Variants in CD151 observed in about 807,000 individuals in gnomAD.
CD151 encodes the protein CD151 molecule (Raph blood group).
Under a neutral mutation model 34.2 loss-of-function variants are expected in CD151, and 20 were observed. That is an observed-to-expected ratio of 0.58 (90% CI 0.41 to 0.85). The LOEUF is 0.85. CD151 is among the 40% of genes least tolerant of loss of function. CD151 has a pLI of 0.00. For missense variants in CD151, 306 were observed against 324.5 expected, an observed-to-expected ratio of 0.94 and a Z score of 0.44; for synonymous variants, 157 against 131.7, an observed-to-expected ratio of 1.19 and a Z score of -1.32.
At chr11:835,888 CG>C (rs1846744819) in intron 2 of CD151, 174 bp from the exon 3 acceptor site, 1 of 584,682 alleles carries the variant, frequency 1.7e-6, no homozygotes, top group Non-Finnish European at 3.1e-6. Context: ...GGGGTTTCAC[CG>C]TGTTAGCCAG....
chr11:833,826 C>CCCCAT (rs1846648722), intron 1 of CD151, among the ~76,000 whole-genome samples: 2 of 41,566 alleles, frequency 4.8e-5, no homozygotes. Flanking sequence ...ACCCCGCCCC[C>CCCCAT]CGGTGGCAGA....
At chr11:836,193 C>T in intron 3 of CD151, 40 bp downstream of exon 3, 1 of 1,557,168 alleles carries the variant, frequency 6.4e-7, no homozygotes, top group Non-Finnish European at 8.8e-7. Context: ...CACCCCCACC[C>T]CTCCCGGGCC....
At position 838,291 on chromosome 11, in the gene CD151, AC is replaced by A; in HGVS notation, c.*101del. 1 of 1,016,200 alleles carries A rather than the reference AC, an allele frequency of 9.8e-7. No homozygotes were observed. The highest frequency in any genetic ancestry group is 1.5e-6 in the Non-Finnish European group (1 of 649,658). The allele number at this position is 1,016,200 out of a possible 1,614,324, so 62.9% of individuals were successfully genotyped here. On this transcript the variant is annotated 3_prime_UTR_variant, in exon 9 of 9. Coordinates refer to ENST00000397420, the MANE Select transcript of CD151 (RefSeq NM_004357.5). ...CTGATGACACCCACCCTGTGCCATC[AC>A]CATAACCTCTGGGGACCCCAACCTC...
rs1189303792 is a variant in CD151 at position 836,851 on chromosome 11, G to C, written c.351+8G>C. The C allele has an allele frequency of 2.5e-6, 4 of 1,611,490 alleles. No homozygotes were observed. The highest frequency in any genetic ancestry group is 3.4e-6 in the Non-Finnish European group (4 of 1,178,840). On this transcript the variant is annotated splice_region_variant and intron_variant, in intron 5 of 8. Transcript: ENST00000397420. ...TACGCCTACTACCAGCAGGTGAGGG[G>C]CCTGGGCAGGCCATTCAGAGACACA...
chr11:834,491 A>T (rs1412804465), intron 1 of CD151, 39 bp from the exon 2 acceptor site: 2 of 152,492 alleles, frequency 1.3e-5, no homozygotes, highest in East Asian at 3.9e-4. Flanking sequence ...CTTGGGCCAG[A>T]CCTGTAACCT....
intron 1 of CD151, among the ~76,000 whole-genome samples, 187 bp downstream of exon 1, chr11:833,213 C>G (rs374806319): frequency 0.011 from 215 of 19,228 alleles, no homozygotes; most frequent in African/African-American, 0.021. Flanking sequence ...CCCTCGCCTG[C>G]CCCAGCTCCC....
At chr11:833,663 A>C (rs1033329299) in intron 1 of CD151, among the ~76,000 whole-genome samples, 5 of 152,118 alleles carry the variant, frequency 3.3e-5, no homozygotes, top group Non-Finnish European at 7.4e-5. Flanking sequence ...TCCTGGGAAG[A>C]GGGGCCACTC....
chr11:837,802 C>T, intron 7 of CD151, 140 bp from the exon 8 acceptor site: 1 of 850,222 alleles, frequency 1.2e-6, no homozygotes, highest in Non-Finnish European at 1.8e-6. Context: ...GTGGGCAGCC[C>T]AGTGGCTGGC....
intron 2 of CD151, 149 bp downstream of exon 2, chr11:834,740 C>G (rs1031911928): frequency 5.2e-5 from 8 of 152,692 alleles, no homozygotes; most frequent in African/African-American, 1.7e-4. Context: ...TTGCCCACTG[C>G]TGCAGGTCGG....
Position 837,231 on chromosome 11 carries a change from T to G in CD151, c.352-19T>G, listed in dbSNP as rs1434665976. On this transcript the variant is annotated intron_variant, in intron 5 of 8. Coordinates refer to ENST00000397420, the MANE Select transcript of CD151 (RefSeq NM_004357.5). ...AAGGTCTTAGACTGAGGCTGAAGTT[T>G]CCTGCACCCCAACCCCAGCTGAACA... 5 of 1,601,992 alleles carry G rather than the reference T, an allele frequency of 3.1e-6. No individual in the cohort carries two copies. The highest frequency in any genetic ancestry group is 4.5e-5 in the East Asian group (2 of 44,848).
At position 838,168 on chromosome 11, in the gene CD151, G is replaced by T; in HGVS notation, c.738G>T (p.Arg246Ser). 1 of 1,613,236 alleles carries T rather than the reference G, an allele frequency of 6.2e-7. No individual in the cohort carries two copies. Among genetic ancestry groups the T allele is most frequent in the South Asian group, 1.1e-5 (1 of 91,078 alleles). Residue 246 changes from arginine to serine, a missense_variant, in exon 9 of 9, where the codon AGG (arginine) becomes AGT (serine). By Grantham distance (110) the Arg-to-Ser change is moderately radical (BLOSUM62 -1). Transcript: ENST00000397420. ...FGMIFTCCLY[R>S]SLKLEHY ...TGATCTTCACGTGCTGCCTGTACAGGAGTCTCAAGCTGGAGCACTACTGAC... is the reference window on the plus strand; with the variant it reads ...TGATCTTCACGTGCTGCCTGTACAGTAGTCTCAAGCTGGAGCACTACTGAC...
chr11:837,209 G>A (rs1846807739), intron 5 of CD151, 41 bp from the exon 6 acceptor site: 1 of 1,536,606 alleles, frequency 6.5e-7, no homozygotes, highest in South Asian at 1.1e-5. Flanking sequence ...ACCTTGGAAG[G>A]TCTTAGACTG....
intron 7 of CD151, 131 bp from the exon 8 acceptor site, chr11:837,811 G>A: frequency 1.2e-6 from 1 of 862,584 alleles, no homozygotes; most frequent in East Asian, 2.6e-5. Context: ...CCAGTGGCTG[G>A]CTGAGCTGTT....
rs906848545 is a variant in CD151 at position 838,311 on chromosome 11, C to G, written c.*119C>G. 74 of 822,102 alleles carry G rather than the reference C, an allele frequency of 9.0e-5. No individual in the cohort carries two copies. The highest frequency in any genetic ancestry group is 2.3e-4 in the Middle Eastern group (1 of 4,284). 50.9% of individuals were successfully genotyped at this position (822,102 alleles called of 1,614,324 possible). Reference sequence around the variant, plus strand: ...CCATCACCATAACCTCTGGGGACCCCAACCTCAGAGGCAGCTTCAAGTGCC... The same window carrying G: ...CCATCACCATAACCTCTGGGGACCCGAACCTCAGAGGCAGCTTCAAGTGCC... On this transcript the variant is annotated 3_prime_UTR_variant, in exon 9 of 9. Transcript: ENST00000397420.
chr11:835,650 T>G (rs577686603), intron 2 of CD151: 1 of 169,136 alleles, frequency 5.9e-6, no homozygotes, highest in East Asian at 1.7e-4. Context: ...ACTCCTTTCC[T>G]CTACTTTCTT....
chr11:833,761 GC>G (rs1323650633), intron 1 of CD151, among the ~76,000 whole-genome samples: 1 of 73,690 alleles, frequency 1.4e-5, no homozygotes, highest in African/African-American at 4.4e-5. Context: ...TTACAGCCAG[GC>G]CAGGGGCAGG....
chr11:837,527 C>T lies in CD151; in HGVS notation c.524C>T (p.Ala175Val). Reference protein sequence around the residue: ...RDSEWIRSQEAGGRVVPDSCC... With the variant: ...RDSEWIRSQEVGGRVVPDSCC... ...AGTGAGTGGATCCGCTCACAGGAGG[C>T]CGGTGGCCGTGTGGTCCCAGACAGC... The change falls in exon 7 of 9, where the codon GCC becomes GTC. Residue 175 changes from alanine to valine, a missense_variant. By Grantham distance (64) the Ala-to-Val change is moderately conservative. Transcript: ENST00000397420. The T allele has an allele frequency of 6.2e-7, 1 of 1,612,964 alleles. No homozygotes were observed. Among genetic ancestry groups the T allele is most frequent in the Non-Finnish European group, 8.5e-7 (1 of 1,179,920 alleles).
Position 836,922 on chromosome 11 carries a change from T to G in CD151, c.351+79T>G. 3.2e-6 allele frequency: 4 copies of G among 1,260,944 alleles called. No individual in the cohort carries two copies. The South Asian group carries it at 4.9e-5, about 16-fold the overall frequency. The allele number at this position is 1,260,944 out of a possible 1,614,324, so 78.1% of individuals were successfully genotyped here. On this transcript the variant is annotated intron_variant, in intron 5 of 8. Transcript: ENST00000397420. The stretch of plus-strand genomic sequence containing the variant: ...ACACACACACATGCACACGCGTGGC[T>G]AGCCCCAACCCCCACCCCCATGGTC...
At chr11:836,596 TGCTGGACCA>T in intron 4 of CD151, 154 bp downstream of exon 4, 1 of 840,058 alleles carries the variant, frequency 1.2e-6, no homozygotes, top group East Asian at 2.7e-5. Flanking sequence ...CCCACGTTCC[TGCTGGACCA>T]GCTGAGGGAA....
Sources: gnomAD v4.1 joint callset for allele counts (sites outside exome capture counted in the v4.1 genomes callset) on GRCh38, gnomAD v4.1.1 for gene constraint, MANE v1.5 for transcripts, NCBI Gene and HGNC (gene_info 2026-07-23, HGNC 2026-07-21) for gene names.